The following POFUT3 variants were observed in gnomAD, a reference collection of about 807,000 sequenced individuals.
POFUT3 encodes GDP-fucose protein O-fucosyltransferase 3.
At chr8:33,345,287 A>G in the POFUT3 span, among the ~76,000 whole-genome samples, 2 of 152,312 alleles carry the variant, frequency 1.3e-5, no homozygotes, top group South Asian at 2.1e-4. Flanking sequence ...AAAATTCAAA[A>G]GAGCTCGAGA....
At chr8:33,324,465 C>T in the POFUT3 span, among the ~76,000 whole-genome samples, 1 of 152,056 alleles carries the variant, frequency 6.6e-6, no homozygotes, top group Non-Finnish European at 1.5e-5. Flanking sequence ...AAACTCACTT[C>T]CTAATTCAAG....
At chr8:33,407,592 T>A in the POFUT3 span, among the ~76,000 whole-genome samples, 5 of 149,306 alleles carry the variant, frequency 3.3e-5, no homozygotes, top group East Asian at 7.9e-4. Context: ...AAAAAAAATT[T>A]TTTATCTCAG....
the POFUT3 span, among the ~76,000 whole-genome samples, chr8:33,330,398 C>A: frequency 1.3e-5 from 2 of 152,242 alleles, no homozygotes; most frequent in African/African-American, 4.8e-5. Context: ...GAGCCGAGAT[C>A]ATGCCACTGC....
chr8:33,337,737 A>G, the POFUT3 span, among the ~76,000 whole-genome samples: 1 of 152,254 alleles, frequency 6.6e-6, no homozygotes, highest in African/African-American at 2.4e-5. Context: ...CAACCTGTCA[A>G]CATTGAATCA....
At chr8:33,355,977 C>T in the POFUT3 span, among the ~76,000 whole-genome samples, 8 of 152,200 alleles carry the variant, frequency 5.3e-5, 1 homozygote, top group South Asian at 1.7e-3. Flanking sequence ...CAATTTCATC[C>T]ATGTCCCTAT....
the POFUT3 span, among the ~76,000 whole-genome samples, chr8:33,375,067 T>C: frequency 6.6e-6 from 1 of 151,808 alleles, no homozygotes; most frequent in Non-Finnish European, 1.5e-5. Context: ...TTTTTTTTTA[T>C]TTTTAGTAGA....
the POFUT3 span, among the ~76,000 whole-genome samples, chr8:33,440,512 T>C: frequency 6.6e-6 from 1 of 152,184 alleles, no homozygotes; most frequent in Non-Finnish European, 1.5e-5. Context: ...GGTTTTTAGA[T>C]GCCAGTTGTA....
the POFUT3 span, among the ~76,000 whole-genome samples, chr8:33,396,700 A>G: frequency 6.6e-6 from 1 of 152,202 alleles, no homozygotes; most frequent in Admixed American, 6.5e-5. Context: ...CTCCCCATTC[A>G]GGTACTGTGC....
chr8:33,374,271 A>G, the POFUT3 span, among the ~76,000 whole-genome samples: 3 of 152,216 alleles, frequency 2.0e-5, no homozygotes, highest in African/African-American at 7.2e-5. Flanking sequence ...AAAGGTTAGG[A>G]ACAGCTGCCC....
At chr8:33,451,416 A>T in the POFUT3 span, among the ~76,000 whole-genome samples, 1 of 152,204 alleles carries the variant, frequency 6.6e-6, no homozygotes, top group Middle Eastern at 3.4e-3. Context: ...GTACATGTAT[A>T]CATGTGTGTA....
At chr8:33,436,527 GT>G in the POFUT3 span, 1 of 1,110,336 alleles carries the variant, frequency 9.0e-7, no homozygotes, top group South Asian at 1.2e-5. Context: ...CATAAAGCTT[GT>G]GATGGTGCAG....
chr8:33,435,376 C>A, the POFUT3 span, among the ~76,000 whole-genome samples: 1 of 152,010 alleles, frequency 6.6e-6, no homozygotes, highest in East Asian at 1.9e-4. Flanking sequence ...CACCACCGCA[C>A]CTGGCTAATT....
At chr8:33,407,795 G>C in the POFUT3 span, among the ~76,000 whole-genome samples, 1 of 152,148 alleles carries the variant, frequency 6.6e-6, no homozygotes, top group South Asian at 2.1e-4. Flanking sequence ...CTGAGGTCAG[G>C]AGTTTGAGAC....
chr8:33,469,993 C>G, the POFUT3 span, among the ~76,000 whole-genome samples: 120 of 151,334 alleles, frequency 7.9e-4, no homozygotes, highest in Admixed American at 3.8e-3. Flanking sequence ...CAGGGTTTCA[C>G]GATGTTGGTC....
the POFUT3 span, among the ~76,000 whole-genome samples, chr8:33,315,267 G>A: frequency 6.6e-6 from 1 of 152,138 alleles, no homozygotes; most frequent in Admixed American, 6.6e-5. Flanking sequence ...CAGTCACCTT[G>A]AAGTAGGTCA....
the POFUT3 span, among the ~76,000 whole-genome samples, chr8:33,462,309 A>G: frequency 1.3e-5 from 2 of 152,124 alleles, no homozygotes; most frequent in African/African-American, 2.4e-5. Context: ...CAAGACTTTT[A>G]TATGAAGTCA....
the POFUT3 span, among the ~76,000 whole-genome samples, chr8:33,417,471 C>A: frequency 6.6e-6 from 1 of 152,040 alleles, no homozygotes; most frequent in African/African-American, 2.4e-5. Flanking sequence ...AAAGGTTGGG[C>A]ACTGCTGAAT....
chr8:33,363,613 C>A, the POFUT3 span, among the ~76,000 whole-genome samples: 27 of 151,810 alleles, frequency 1.8e-4, no homozygotes, highest in African/African-American at 5.1e-4. Context: ...ACAGAAATAC[C>A]AACTACCATC....
chr8:33,364,207 G>A, the POFUT3 span, among the ~76,000 whole-genome samples: 1 of 152,040 alleles, frequency 6.6e-6, no homozygotes, highest in African/African-American at 2.4e-5. Context: ...AAAGGCCTTT[G>A]ACAAAATTCA....
Sources: allele counts gnomAD v4.1 joint callset (sites outside exome capture counted in the v4.1 genomes callset), GRCh38; gene constraint gnomAD v4.1.1; transcripts MANE v1.5; gene names NCBI Gene and HGNC (gene_info 2026-07-23, HGNC 2026-07-21).